The following SH3RF1 variants were observed in gnomAD, a reference collection of about 807,000 sequenced individuals.
SH3RF1 encodes the protein SH3 domain containing ring finger 1, also known as E3 ubiquitin-protein ligase SH3RF1.
Under a neutral mutation model 74.0 loss-of-function variants are expected in SH3RF1, and 32 were observed. The observed-to-expected ratio is 0.43, with a 90% CI of 0.33 to 0.58. The LOEUF is 0.58. SH3RF1 is among the 20% of genes least tolerant of loss of function. SH3RF1 has a pLI of 0.05. For synonymous variants in SH3RF1, 396 were observed against 439.6 expected (o/e 0.90, Z 1.24); for missense variants, 954 against 1,130.9 (o/e 0.84, Z 2.24).
At chr4:169,212,353 C>T (rs569358488) in intron 2 of SH3RF1, among the ~76,000 whole-genome samples, 10 of 152,086 alleles carry the variant, frequency 6.6e-5, no homozygotes, top group South Asian at 4.1e-4. Context: ...CGTGAGCCAC[C>T]GCGCCTGGAC....
intron 4 of SH3RF1, among the ~76,000 whole-genome samples, chr4:169,138,787 G>C (rs939690449): frequency 6.6e-6 from 1 of 152,148 alleles, no homozygotes; most frequent in African/African-American, 2.4e-5. Context: ...CATTGTGTTA[G>C]TATTTCAGGT....
intron 4 of SH3RF1, among the ~76,000 whole-genome samples, chr4:169,142,961 T>G (rs1008981833): frequency 1.7e-4 from 26 of 152,226 alleles, no homozygotes; most frequent in African/African-American, 5.8e-4. Flanking sequence ...AAACTTCATT[T>G]ATAATGCAAG....
At chr4:169,268,696 T>C in intron 2 of SH3RF1, 124 bp downstream of exon 2, 1 of 990,232 alleles carries the variant, frequency 1.0e-6, no homozygotes, top group South Asian at 2.1e-5. Flanking sequence ...GTATAATCTA[T>C]CTGTTCCAGT....
In SH3RF1 at chr4:169,117,635, G is replaced by C. The variant is rs1370951753; in HGVS notation, c.1665C>G (p.Val555=). 6.2e-7 allele frequency: 1 copy of C among 1,614,082 alleles called. No individual in the cohort carries two copies. Among genetic ancestry groups the C allele is most frequent in the African/African-American group, 1.3e-5 (1 of 74,918 alleles). ...GAGCTGCTGATACCACAGCTGCGGGGACAACACTGGGACTCCCAGCCACGC... is the reference window on the plus strand; with the variant it reads ...GAGCTGCTGATACCACAGCTGCGGGCACAACACTGGGACTCCCAGCCACGC... ...GNGVAGSPSV[V]PAAVVSAAHI... Residue 555 remains valine, a synonymous_variant, in exon 9 of 12, where the codon GTC becomes GTG. Transcript: ENST00000284637.
At chr4:169,104,372 C>T (rs1327937150) in intron 11 of SH3RF1, among the ~76,000 whole-genome samples, 2 of 152,114 alleles carry the variant, frequency 1.3e-5, no homozygotes, top group East Asian at 3.9e-4. Context: ...ACAGAAGGTG[C>T]TATCCCTGGA....
intron 2 of SH3RF1, among the ~76,000 whole-genome samples, chr4:169,202,188 G>A (rs554845228): frequency 1.7e-4 from 26 of 152,220 alleles, no homozygotes; most frequent in Admixed American, 1.1e-3. Flanking sequence ...TATTTATTAA[G>A]GGCCTACTTC....
rs1334327113 is a variant in SH3RF1, at chr4:169,120,912, A to G, written c.1424T>C (p.Phe475Ser). ...ELRKGEMFLV[F>S]ERCQDGWFKG... The stretch of plus-strand genomic sequence containing the variant: ...GAACCAGCCATCCTGGCAGCGCTCA[A>G]ACACTAAAAACATCTCCCCTTTTCT... The change falls in exon 8 of 12, where the codon TTT (phenylalanine) becomes TCT (serine). Residue 475 changes from phenylalanine to serine, a missense_variant. This residue lies in a region of SH3RF1 where 854 missense variants were observed against 962.5 expected (regional missense o/e 0.89). Transcript: ENST00000284637. 2 of 1,614,094 alleles carry G rather than the reference A, an allele frequency of 1.2e-6. No individual in the cohort carries two copies. The highest frequency in any genetic ancestry group is 1.7e-6 in the Non-Finnish European group (2 of 1,180,032).
intron 2 of SH3RF1, among the ~76,000 whole-genome samples, chr4:169,180,703 A>G (rs1022181782): frequency 6.6e-6 from 1 of 152,138 alleles, no homozygotes; most frequent in Non-Finnish European, 1.5e-5. Flanking sequence ...AGACACTGTG[A>G]AATCGTTAAA....
intron 2 of SH3RF1, among the ~76,000 whole-genome samples, chr4:169,208,763 T>G (rs1433607630): frequency 6.6e-6 from 1 of 152,054 alleles, no homozygotes; most frequent in Non-Finnish European, 1.5e-5. Context: ...TTCATTCAGG[T>G]CCAGCTCCTG....
intron 2 of SH3RF1, among the ~76,000 whole-genome samples, chr4:169,228,667 C>T (rs954140913): frequency 2.0e-5 from 3 of 152,150 alleles, no homozygotes; most frequent in Non-Finnish European, 4.4e-5. Context: ...TAATAACACA[C>T]GGCTCTGGGG....
intron 1 of SH3RF1, chr4:169,269,745 T>A (rs910656504): frequency 6.6e-6 from 1 of 152,610 alleles, no homozygotes; most frequent in African/African-American, 2.4e-5. Context: ...TTTAAGCCAC[T>A]TTAGCGTTTA....
rs543351061 is a variant in SH3RF1 at position 169,131,507 on chromosome 4, T to C, written c.1069-1351A>G. On this transcript the variant is annotated intron_variant, in intron 5 of 11. Transcript: ENST00000284637. ...TCTATTTTTCCTGTGAACCAAAGTCTATTTCCAACCTATTTCTAACGGGAA... is the reference window on the plus strand; with the variant it reads ...TCTATTTTTCCTGTGAACCAAAGTCCATTTCCAACCTATTTCTAACGGGAA... Among the ~76,000 whole-genome samples, 221 of 152,182 alleles carry C rather than the reference T, an allele frequency of 1.5e-3. 3 individuals are homozygous for C. The highest frequency in any genetic ancestry group is 0.014 in the Admixed American group (207 of 15,248).
intron 2 of SH3RF1, among the ~76,000 whole-genome samples, chr4:169,183,360 A>C (rs1734545922): frequency 6.6e-6 from 1 of 152,134 alleles, no homozygotes; most frequent in Admixed American, 6.5e-5. Context: ...GGCTCACTGC[A>C]ACCTCCGCCT....
At chr4:169,249,051 C>CT (rs1313501827) in intron 2 of SH3RF1, among the ~76,000 whole-genome samples, 1 of 138,746 alleles carries the variant, frequency 7.2e-6, no homozygotes, top group Non-Finnish European at 1.7e-5. Context: ...CTCGGTGAAA[C>CT]CCCATCTCTA....
chr4:169,242,415 T>C (rs1730926985), intron 2 of SH3RF1, among the ~76,000 whole-genome samples: 1 of 152,214 alleles, frequency 6.6e-6, no homozygotes, highest in African/African-American at 2.4e-5. Flanking sequence ...AATATTAAAT[T>C]CATATGTCCT....
intron 2 of SH3RF1, among the ~76,000 whole-genome samples, chr4:169,174,079 C>G (rs979684128): frequency 6.6e-6 from 1 of 151,842 alleles, no homozygotes. Context: ...CAATGCTTTT[C>G]TTGAGACAGG....
At chr4:169,236,624 T>C (rs1730827577) in intron 2 of SH3RF1, among the ~76,000 whole-genome samples, 1 of 152,180 alleles carries the variant, frequency 6.6e-6, no homozygotes, top group African/African-American at 2.4e-5. Flanking sequence ...GAGAATTAAA[T>C]AAGTTAATAT....
At chr4:169,146,073 A>T (rs1561036247) in intron 4 of SH3RF1, among the ~76,000 whole-genome samples, 1 of 105,616 alleles carries the variant, frequency 9.5e-6, no homozygotes, top group Non-Finnish European at 1.9e-5. Context: ...TCTATATAAA[A>T]TATTATATAT....
At chr4:169,191,316 C>T (rs1388153145) in intron 2 of SH3RF1, among the ~76,000 whole-genome samples, 1 of 106,036 alleles carries the variant, frequency 9.4e-6, no homozygotes, top group East Asian at 3.5e-4. Context: ...AAAAAAAAAA[C>T]CTTAGGAATA....
Sources: allele counts gnomAD v4.1 joint callset (sites outside exome capture counted in the v4.1 genomes callset), GRCh38; gene constraint gnomAD v4.1.1; regional missense constraint gnomAD v4.1.1; transcripts MANE v1.5; gene names NCBI Gene and HGNC (gene_info 2026-07-23, HGNC 2026-07-21).